PPM1D: variants seen among roughly 807,000 people sequenced by gnomAD.
PPM1D encodes the protein protein phosphatase 1D.
In PPM1D, 52 loss-of-function variants were observed where a neutral mutation model predicts 58.3. The ratio of observed to expected loss-of-function variants is 0.89; its 90% CI spans 0.71 to 1.12. The LOEUF (loss-of-function observed/expected upper bound fraction) is 1.12. PPM1D is among the 50% of genes most tolerant of loss of function. PPM1D has a pLI of 0.00. For synonymous variants in PPM1D, 278 were observed against 285.1 expected, an observed-to-expected ratio of 0.98 and a Z score of 0.25; for missense variants, 564 against 777.2, an observed-to-expected ratio of 0.73 and a Z score of 3.26.
intron 3 of PPM1D, among the ~76,000 whole-genome samples, chr17:60,636,968 T>C (rs1186237855): frequency 1.9e-4 from 4 of 20,868 alleles, no homozygotes; most frequent in Non-Finnish European, 1.7e-3. Flanking sequence ...CTACTCATGA[T>C]TTTTTTTTTT....
chr17:60,622,051 G>A (rs1192126520), intron 1 of PPM1D, among the ~76,000 whole-genome samples: 2 of 151,508 alleles, frequency 1.3e-5, no homozygotes, highest in African/African-American at 4.8e-5. Flanking sequence ...TTAGTTGGGT[G>A]TGGTGGCAGG....
chr17:60,621,119 CATCA>C (rs2030692011), intron 1 of PPM1D, among the ~76,000 whole-genome samples: 3 of 151,956 alleles, frequency 2.0e-5, no homozygotes, highest in African/African-American at 7.3e-5. Flanking sequence ...GATGGGGTTT[CATCA>C]TGTTGGCCAG....
chr17:60,627,508 G>T (rs2030833697), intron 2 of PPM1D, among the ~76,000 whole-genome samples: 1 of 151,450 alleles, frequency 6.6e-6, no homozygotes, highest in Non-Finnish European at 1.5e-5. Context: ...TGCAACCTCT[G>T]CCTCCCAGGT....
chr17:60,621,495 A>G (rs942215038), intron 1 of PPM1D, among the ~76,000 whole-genome samples: 2 of 151,720 alleles, frequency 1.3e-5, no homozygotes, highest in Non-Finnish European at 2.9e-5. Flanking sequence ...CCTGGGTTCA[A>G]GTGATTCTCC....
At chr17:60,633,798 C>G in intron 2 of PPM1D, 55 bp from the exon 3 acceptor site, 1 of 1,455,012 alleles carries the variant, frequency 6.9e-7, no homozygotes, top group Non-Finnish European at 9.4e-7. Context: ...ACTGAGCTAT[C>G]TTAGTTGTTG....
chr17:60,662,850 G>T, intron 5 of PPM1D, 145 bp from the exon 6 acceptor site: 1 of 699,256 alleles, frequency 1.4e-6, no homozygotes, highest in Non-Finnish European at 2.4e-6. Context: ...ACATAGTTCA[G>T]TAAATAGAAG....
At chr17:60,601,738 G>A (rs1330287536) in intron 1 of PPM1D, among the ~76,000 whole-genome samples, 1 of 152,158 alleles carries the variant, frequency 6.6e-6, no homozygotes, top group African/African-American at 2.4e-5. Flanking sequence ...GGTCTTAAAT[G>A]TCTAAAAATT....
At chr17:60,645,536 GTA>G (rs201780951) in intron 3 of PPM1D, among the ~76,000 whole-genome samples, 9,216 of 134,534 alleles carry the variant, frequency 0.069, 501 homozygotes, top group Non-Finnish European at 0.11. Context: ...ATATATATGT[GTA>G]TATATATGTA....
chr17:60,659,540 C>T (rs1289159796), intron 5 of PPM1D, among the ~76,000 whole-genome samples: 1 of 152,202 alleles, frequency 6.6e-6, no homozygotes, highest in African/African-American at 2.4e-5. Context: ...TCTTTAAGAA[C>T]GGAATGGGGA....
rs141485450 is a variant in PPM1D, at chr17:60,634,151, T to A, written c.826+174T>A. Reference sequence around the variant, plus strand: ...CGAAGCCATGCATGGTGGCTCACGCTTATAATCCCAGCACTTTGGGAGGCT... The same window carrying A: ...CGAAGCCATGCATGGTGGCTCACGCATATAATCCCAGCACTTTGGGAGGCT... On this transcript the variant is annotated intron_variant, in intron 3 of 5. Transcript: ENST00000305921. 2.4e-3 allele frequency among the ~76,000 whole-genome samples: 366 copies of A among 152,230 alleles called. 1 individual carries two copies. The highest frequency in any genetic ancestry group is 8.5e-3 in the African/African-American group (354 of 41,542).
chr17:60,658,288 G>A (rs2031474038), intron 5 of PPM1D, among the ~76,000 whole-genome samples: 1 of 152,148 alleles, frequency 6.6e-6, no homozygotes, highest in Non-Finnish European at 1.5e-5. Flanking sequence ...TCTTAATATT[G>A]ACCTCAAATA....
intron 1 of PPM1D, among the ~76,000 whole-genome samples, chr17:60,606,977 G>A (rs544764805): frequency 2.0e-5 from 3 of 151,338 alleles, no homozygotes; most frequent in Non-Finnish European, 4.4e-5. Context: ...ACAGGCATGC[G>A]CCCAGCTAAT....
intron 3 of PPM1D, among the ~76,000 whole-genome samples, chr17:60,647,493 A>G (rs1467094737): frequency 1.3e-5 from 2 of 152,164 alleles, no homozygotes; most frequent in African/African-American, 2.4e-5. Context: ...AAATGAAATT[A>G]TCTGCAAATA....
intron 1 of PPM1D, among the ~76,000 whole-genome samples, chr17:60,623,243 T>TA (rs2030742176): frequency 6.6e-6 from 1 of 152,200 alleles, no homozygotes; most frequent in Admixed American, 6.5e-5. Flanking sequence ...TAGTTAGGAC[T>TA]AAGAGTCATG....
intron 5 of PPM1D, among the ~76,000 whole-genome samples, chr17:60,660,101 C>T (rs1375626204): frequency 6.6e-6 from 1 of 152,022 alleles, no homozygotes; most frequent in African/African-American, 2.4e-5. Flanking sequence ...TTTGGGAGGC[C>T]GAGGCAGGCT....
chr17:60,646,368 G>T (rs1332808089), intron 3 of PPM1D, among the ~76,000 whole-genome samples: 1 of 152,140 alleles, frequency 6.6e-6, no homozygotes, highest in Non-Finnish European at 1.5e-5. Context: ...TTCTGATGGG[G>T]AGCTAGTGGG....
chr17:60,651,953 C>G (rs1012976787), intron 4 of PPM1D, among the ~76,000 whole-genome samples: 8 of 152,108 alleles, frequency 5.3e-5, no homozygotes, highest in Non-Finnish European at 8.8e-5. Flanking sequence ...TTGATTGTTT[C>G]TAGTTCAAGA....
intron 3 of PPM1D, 52 bp downstream of exon 3, chr17:60,634,029 G>A (rs773158593): frequency 4.4e-6 from 7 of 1,584,312 alleles, no homozygotes; most frequent in Non-Finnish European, 6.0e-6. Context: ...ACAATATATG[G>A]TGGCAAAATA....
chr17:60,600,978 A>G, intron 1 of PPM1D, 92 bp downstream of exon 1: 2 of 1,555,940 alleles, frequency 1.3e-6, no homozygotes, highest in South Asian at 2.3e-5. Context: ...CGGCACCCAG[A>G]GCGCAACCAA....
Sources: allele counts gnomAD v4.1 joint callset (sites outside exome capture counted in the v4.1 genomes callset), GRCh38; gene constraint gnomAD v4.1.1; transcripts MANE v1.5; gene names NCBI Gene and HGNC (gene_info 2026-07-23, HGNC 2026-07-21).